The following TFCP2 variants were observed in gnomAD, a reference collection of about 807,000 sequenced individuals.
TFCP2 encodes alpha-globin transcription factor CP2.
Under a neutral mutation model 73.4 loss-of-function variants are expected in TFCP2, and 33 were observed. The ratio of observed to expected loss-of-function variants is 0.45; its 90% CI spans 0.34 to 0.60. The LOEUF (loss-of-function observed/expected upper bound fraction) is 0.60, where lower values mean the gene tolerates loss of function less well. Ranked by LOEUF, TFCP2 falls within the 20% of genes least tolerant of loss-of-function variation. TFCP2 has a pLI of 0.01. For missense variants in TFCP2, 352 were observed against 604.0 expected, an observed-to-expected ratio of 0.58 and a Z score of 4.37; for synonymous variants, 193 against 211.6, an observed-to-expected ratio of 0.91 and a Z score of 0.76.
At chr12:51,144,440 T>G (rs1002962910) in intron 1 of TFCP2, among the ~76,000 whole-genome samples, 1 of 152,066 alleles carries the variant, frequency 6.6e-6, no homozygotes, top group Non-Finnish European at 1.5e-5. Context: ...CTTAAAAACT[T>G]GAGTAATTAA....
At chr12:51,159,484 G>A (rs1481300929) in intron 1 of TFCP2, among the ~76,000 whole-genome samples, 8 of 151,530 alleles carry the variant, frequency 5.3e-5, no homozygotes, top group East Asian at 3.9e-4. Flanking sequence ...GATTACAGGC[G>A]CCCACCACCA....
intron 11 of TFCP2, 59 bp from the exon 12 acceptor site, chr12:51,099,838 G>A: frequency 6.3e-7 from 1 of 1,580,430 alleles, no homozygotes; most frequent in Non-Finnish European, 8.6e-7. Flanking sequence ...ACAATAAAAA[G>A]AAGGGAGAAA....
intron 1 of TFCP2, among the ~76,000 whole-genome samples, chr12:51,143,787 T>C (rs771401476): frequency 5.3e-5 from 8 of 152,046 alleles, no homozygotes; most frequent in Non-Finnish European, 1.0e-4. Flanking sequence ...AGACCAAAGA[T>C]GGGGAGTTGA....
chr12:51,140,435 TTTTC>T (rs376980761), intron 1 of TFCP2, among the ~76,000 whole-genome samples: 1,619 of 123,422 alleles, frequency 0.013, 24 homozygotes, highest in African/African-American at 0.047. Context: ...TCTATCTTTC[TTTTC>T]TTTTTCTTTT....
chr12:51,160,427 G>A (rs891041712), intron 1 of TFCP2, among the ~76,000 whole-genome samples: 21 of 151,970 alleles, frequency 1.4e-4, no homozygotes, highest in African/African-American at 3.4e-4. Flanking sequence ...GAGCCACCGC[G>A]CCCAGCTGTG....
At position 51,093,668 on chromosome 12, in the gene TFCP2, A is replaced by G. The variant is rs543707087; in HGVS notation, c.*1573T>C. The G allele has an allele frequency of 6.6e-6, 1 of 152,192 alleles. No individual in the cohort carries two copies. Among genetic ancestry groups the G allele is most frequent in the Non-Finnish European group, 1.5e-5 (1 of 68,040 alleles). The allele number at this position is 152,192 out of a possible 1,614,324, so 9.4% of individuals were successfully genotyped here. A position where few individuals can be genotyped will look rare whatever the true frequency, so the allele number is the denominator to read the frequency against. ...TCACTAAGAAGCATTTTGGTGTAAT[A>G]TAACAAGTTGCTCAGGTCAGTTTTA... On this transcript the variant is annotated 3_prime_UTR_variant, in exon 15 of 15. Coordinates refer to ENST00000257915, the MANE Select transcript of TFCP2 (RefSeq NM_005653.5).
intron 1 of TFCP2, among the ~76,000 whole-genome samples, chr12:51,148,492 G>C (rs1941346484): frequency 6.6e-6 from 1 of 151,800 alleles, no homozygotes; most frequent in African/African-American, 2.4e-5. Context: ...ACAAGGTCAG[G>C]AGTTTAAGAC....
intron 1 of TFCP2, among the ~76,000 whole-genome samples, chr12:51,167,169 T>C (rs1191697981): frequency 1.3e-5 from 2 of 151,834 alleles, no homozygotes; most frequent in African/African-American, 4.8e-5. Context: ...AATAAAAATA[T>C]AAGAAAAAAA....
chr12:51,108,203 T>C (rs1940303463), intron 6 of TFCP2, among the ~76,000 whole-genome samples: 1 of 151,654 alleles, frequency 6.6e-6, no homozygotes, highest in Non-Finnish European at 1.5e-5. Flanking sequence ...TGAGAACAGC[T>C]TGAACCCAGG....
At chr12:51,096,127 G>T in intron 13 of TFCP2, 87 bp from the exon 14 acceptor site, 1 of 1,057,690 alleles carries the variant, frequency 9.5e-7, no homozygotes, top group African/African-American at 1.6e-5. Flanking sequence ...CCCACATCCA[G>T]AGGGATTTAT....
intron 1 of TFCP2, among the ~76,000 whole-genome samples, chr12:51,131,383 G>T (rs1940941935): frequency 1.3e-5 from 2 of 150,782 alleles, no homozygotes; most frequent in Admixed American, 1.3e-4. Flanking sequence ...TATATTAAAG[G>T]TATAGATAAC....
intron 1 of TFCP2, among the ~76,000 whole-genome samples, chr12:51,131,067 C>T (rs113453741): frequency 0.069 from 10,388 of 151,630 alleles, 627 homozygotes; most frequent in East Asian, 0.18. Context: ...CGGTGGCTCA[C>T]GCCTGTAATC....
chr12:51,131,112 G>A (rs932215806), intron 1 of TFCP2, among the ~76,000 whole-genome samples: 59 of 151,676 alleles, frequency 3.9e-4, no homozygotes, highest in Admixed American at 3.7e-3. Flanking sequence ...GGCGGATCAC[G>A]GGGTCAGGAG....
intron 1 of TFCP2, among the ~76,000 whole-genome samples, chr12:51,160,844 G>A (rs1941632087): frequency 6.6e-6 from 1 of 152,226 alleles, no homozygotes; most frequent in Non-Finnish European, 1.5e-5. Context: ...TCCCATCCCT[G>A]TGGTAACCAA....
intron 11 of TFCP2, among the ~76,000 whole-genome samples, chr12:51,101,700 G>C (rs1292557682): frequency 6.6e-6 from 1 of 152,146 alleles, no homozygotes; most frequent in South Asian, 2.1e-4. Flanking sequence ...AAAGGATGAT[G>C]AATTTTCATT....
At chr12:51,142,216 A>AAAT (rs1941210292) in intron 1 of TFCP2, among the ~76,000 whole-genome samples, 1 of 148,408 alleles carries the variant, frequency 6.7e-6, no homozygotes, top group Non-Finnish European at 1.5e-5. Context: ...AAAAAAAAAA[A>AAAT]AAAAAAAAAA....
chr12:51,163,985 G>A (rs748558963), intron 1 of TFCP2, among the ~76,000 whole-genome samples: 62 of 151,024 alleles, frequency 4.1e-4, no homozygotes, highest in Admixed American at 1.3e-3. Flanking sequence ...CAGGAGGATC[G>A]CTTGAGGCCA....
Position 51,120,368 on chromosome 12 carries a change from G to T in TFCP2, c.123-1596C>A, listed in dbSNP as rs931542984. Among the ~76,000 whole-genome samples, 2 of 152,100 alleles carry T rather than the reference G, an allele frequency of 1.3e-5. 1 individual carries two copies. Among genetic ancestry groups the T allele is most frequent in the Admixed American group, 1.3e-4 (2 of 15,266 alleles). ...GATATAATGCTCGACAAAAAAAGCC[G>T]GACACAAAGAATGTGTAATGCATGG... On this transcript the variant is annotated intron_variant, in intron 1 of 14. Transcript: ENST00000257915.
At chr12:51,129,704 T>A (rs1407630063) in intron 1 of TFCP2, among the ~76,000 whole-genome samples, 1 of 152,120 alleles carries the variant, frequency 6.6e-6, no homozygotes, top group Non-Finnish European at 1.5e-5. Context: ...GAGGGCCTCC[T>A]AATCAGTTCT....
Sources: allele counts gnomAD v4.1 joint callset (sites outside exome capture counted in the v4.1 genomes callset), GRCh38; gene constraint gnomAD v4.1.1; transcripts MANE v1.5; gene names NCBI Gene and HGNC (gene_info 2026-07-23, HGNC 2026-07-21).